The following KDM6B variants were observed in gnomAD, a reference collection of about 807,000 sequenced individuals.
KDM6B encodes the protein lysine-specific demethylase 6B.
In KDM6B, 22 loss-of-function variants were observed where a neutral mutation model predicts 150.4. That is an observed-to-expected ratio of 0.15 (90% CI 0.10 to 0.21). KDM6B has a LOEUF of 0.21. Among genes scored for constraint, KDM6B ranks in the 10% least tolerant of loss-of-function variants. KDM6B has a pLI of 1.00. For synonymous variants in KDM6B, 1,148 were observed against 921.1 expected, an observed-to-expected ratio of 1.25 and a Z score of -4.46; for missense variants, 1,984 against 2,234.3, an observed-to-expected ratio of 0.89 and a Z score of 2.26.
intron 7 of KDM6B, 29 bp from the exon 8 acceptor site, chr17:7,846,371 G>GGGGGGGGCCCCCCCCC: frequency 6.7e-7 from 1 of 1,488,898 alleles, no homozygotes; most frequent in Non-Finnish European, 9.2e-7. Context: ...CCTGACATCT[G>GGGGGGGGCCCCCCCCC]CCCCTGCCCC....
At position 7,844,090 on chromosome 17, in the gene KDM6B, C is replaced by T. The variant is rs1280614568; in HGVS notation, c.-268-811C>T. 1 of 150,010 alleles carries T rather than the reference C, an allele frequency of 6.7e-6. No individual in the cohort carries two copies. Among genetic ancestry groups the T allele is most frequent in the Non-Finnish European group, 1.5e-5 (1 of 67,282 alleles). 9.3% of individuals were successfully genotyped at this position (150,010 alleles called of 1,614,324 possible). Reference sequence around the variant, plus strand: ...CCCCGCAGTACATTTACACACACCGCTTCCGCTGCGCAAGTAGCCACGTCA... The same window carrying T: ...CCCCGCAGTACATTTACACACACCGTTTCCGCTGCGCAAGTAGCCACGTCA... On this transcript the variant is annotated intron_variant, in intron 2 of 23. Transcript: ENST00000448097. This position sits in a 1 kb window ranked among gnomAD's most constrained non-coding sequence, Gnocchi z 5.9.
intron 21 of KDM6B, 143 bp downstream of exon 21, chr17:7,852,779 A>AG (rs2078725601): frequency 1.0e-5 from 14 of 1,334,756 alleles, no homozygotes; most frequent in Non-Finnish European, 1.5e-5. Context: ...GAGGCTAACT[A>AG]GGTCCTTGCT....
chr17:7,839,513 G>C (rs1439812362), intron 1 of KDM6B, among the ~76,000 whole-genome samples: 1 of 152,160 alleles, frequency 6.6e-6, no homozygotes, highest in East Asian at 1.9e-4. Context: ...GATAAGGTTG[G>C]AGAGGACACA....
chr17:7,836,040 C>T (rs2078329019), intron 1 of KDM6B, among the ~76,000 whole-genome samples: 1 of 152,362 alleles, frequency 6.6e-6, no homozygotes, highest in African/African-American at 2.4e-5. Flanking sequence ...CGGCCGCTGC[C>T]TTCCCGGGCT....
In KDM6B at chr17:7,846,596, A is replaced by G. The variant is rs532793040; in HGVS notation, c.567A>G (p.Gly189=). 1.3e-4 allele frequency: 215 copies of G among 1,614,040 alleles called. No individual in the cohort carries two copies. The highest frequency in any genetic ancestry group is 3.5e-4 in the Admixed American group (21 of 60,012). ...LLHLEHKRNY[G]AKRGGPPVKR... is the part of the protein sequence containing the mutation. ...GTTCTCAGCACAAACGGAACTATGG[A>G]GCCAAGCGGGGAGGTCCCCCGGTGA... Residue 189 remains glycine (G), a synonymous_variant, in exon 9 of 24, where the codon GGA becomes GGG. Coordinates refer to ENST00000448097, the MANE Select transcript of KDM6B (RefSeq NM_001348716.2).
Position 7,845,013 on chromosome 17 carries a change from G to A in KDM6B, c.-156G>A, listed in dbSNP as rs925911055. On this transcript the variant is annotated 5_prime_UTR_variant, in exon 3 of 24. Transcript: ENST00000448097. ...GACGCGGTGTGAGGACGCTCCCACG[G>A]AGGCCGGGTAAGCGGCCGCTGCGTT... The A allele has an allele frequency of 4.9e-6, 1 of 202,254 alleles. No individual in the cohort carries two copies. Among genetic ancestry groups the A allele is most frequent in the African/African-American group, 2.3e-5 (1 of 42,980 alleles). 12.5% of individuals were successfully genotyped at this position (202,254 alleles called of 1,614,324 possible). A position where few individuals can be genotyped will look rare whatever the true frequency, so the allele number is the denominator to read the frequency against.
Position 7,845,294 on chromosome 17 carries a change from CTCCTTT to C in KDM6B, c.-148-14_-148-9del. 2 of 595,250 alleles carry C rather than the reference CTCCTTT, an allele frequency of 3.4e-6. No homozygotes were observed. The highest frequency in any genetic ancestry group is 5.7e-5 in the East Asian group (2 of 35,238). 36.9% of individuals were successfully genotyped at this position (595,250 alleles called of 1,614,324 possible). A position where few individuals can be genotyped will look rare whatever the true frequency, so the allele number is the denominator to read the frequency against. ...ACTGTGTGCTGGCCAGCTCGTCTCA[CTCCTTT>C]TCCTTCTCTCTAGAATTGGCTGTGA... On this transcript the variant is annotated splice_polypyrimidine_tract_variant and intron_variant, in intron 3 of 23. Coordinates refer to ENST00000448097, the MANE Select transcript of KDM6B (RefSeq NM_001348716.2).
intron 14 of KDM6B, among the ~76,000 whole-genome samples, chr17:7,850,725 CTA>C (rs1219833543): frequency 6.6e-6 from 1 of 152,220 alleles, no homozygotes; most frequent in Non-Finnish European, 1.5e-5. Context: ...TGAGCACCTA[CTA>C]TGTGTCTGTC....
At chr17:7,850,993 C>A in intron 14 of KDM6B, 28 bp from the exon 15 acceptor site, 1 of 1,567,140 alleles carries the variant, frequency 6.4e-7, no homozygotes, top group East Asian at 2.4e-5. Context: ...GCCTCTGCCC[C>A]GACACCCTGC....
chr17:7,851,353 G>A lies in KDM6B; in HGVS notation c.3903G>A (p.Glu1301=), dbSNP rs767369446. The change falls in exon 16 of 24, where the codon GAG becomes GAA. Residue 1301 remains glutamate, a synonymous_variant. Coordinates refer to ENST00000448097, the MANE Select transcript of KDM6B (RefSeq NM_001348716.2). ...SLQEEKESED[E]ESEEPDSTTG... ...AGGAGGAGAAGGAGAGTGAGGATGA[G>A]GAGTCAGAGGAGCCAGACAGCACCA... 2.5e-6 allele frequency: 4 copies of A among 1,614,016 alleles called. No individual in the cohort carries two copies. The African/African-American group carries it at 5.3e-5, about 22-fold the overall frequency.
At position 7,853,691 on chromosome 17, in the gene KDM6B, T is replaced by TA; in HGVS notation, c.*170_*171insA. 2.3e-6 allele frequency: 1 copy of TA among 431,860 alleles called. No individual in the cohort carries two copies. The highest frequency in any genetic ancestry group is 3.7e-6 in the Non-Finnish European group (1 of 268,172). The allele number at this position is 431,860 out of a possible 1,614,324, so 26.8% of individuals were successfully genotyped here. A position where few individuals can be genotyped will look rare whatever the true frequency, so the allele number is the denominator to read the frequency against. ...ATTTATTAAGAAAAACTTTTTTTTT[T>TA]TTTTTAGCAAATATGAGGAAAAAAG... On this transcript the variant is annotated 3_prime_UTR_variant, in exon 24 of 24. Coordinates refer to ENST00000448097, the MANE Select transcript of KDM6B (RefSeq NM_001348716.2).
intron 2 of KDM6B, chr17:7,840,764 T>C (rs994827490): frequency 2.0e-5 from 3 of 152,238 alleles, no homozygotes; most frequent in Non-Finnish European, 2.9e-5. Flanking sequence ...TTTTGCTTGA[T>C]GTTTTGCACA....
Position 7,848,737 on chromosome 17 carries a change from T to C in KDM6B, c.2449T>C (p.Cys817Arg), listed in dbSNP as rs575399117. The change falls in exon 12 of 24, where the codon TGT (cysteine) becomes CGT (arginine). Residue 817 changes from cysteine to arginine, a missense_variant. This residue lies in a region of KDM6B where 1,379 missense variants were observed against 1,275.6 expected (regional missense o/e 1.08). Coordinates refer to ENST00000448097, the MANE Select transcript of KDM6B (RefSeq NM_001348716.2). ...LASVLEGQKYCYRGTGAAVST... is the reference protein window; with the variant it reads ...LASVLEGQKYRYRGTGAAVST... ...CTCCGTGCTGGAGGGACAAAAGTAC[T>C]GTTATCGGGGGACTGGAGCAGCTGT... is the stretch of plus-strand genomic sequence containing the variant. The C allele has an allele frequency of 2.6e-4, 416 of 1,612,738 alleles. 1 individual carries two copies. In the South Asian group the frequency reaches 4.3e-3, roughly 17 times the overall value.
Position 7,850,052 on chromosome 17 carries a change from C to T in KDM6B, c.3568-20C>T. ...GCCTGGGCCAGGGCTCTGACCCCAG[C>T]TCTCCTGGTCATGTCTCAGCTGGAG... On this transcript the variant is annotated intron_variant, in intron 13 of 23. Transcript: ENST00000448097. 6.2e-7 allele frequency: 1 copy of T among 1,613,490 alleles called. No homozygotes were observed. The highest frequency in any genetic ancestry group is 2.2e-5 in the East Asian group (1 of 44,886).
Position 7,851,811 on chromosome 17 carries a change from T to G in KDM6B, c.4165+15T>G, listed in dbSNP as rs749950324. On this transcript the variant is annotated intron_variant, in intron 18 of 23. Coordinates refer to ENST00000448097, the MANE Select transcript of KDM6B (RefSeq NM_001348716.2). ...CCGAACGCCAGGTGCGCTCCACGCC[T>G]GTGCGCGCTGATGCTGGAAGCGCGA... is the stretch of plus-strand genomic sequence containing the variant. 1.3e-6 allele frequency: 2 copies of G among 1,556,348 alleles called. No homozygotes were observed. The highest frequency in any genetic ancestry group is 1.7e-6 in the Non-Finnish European group (2 of 1,150,236).
Position 7,845,585 on chromosome 17 carries a change from C to G in KDM6B, c.31C>G (p.Arg11Gly). MHRAVDPPGA[R>G]AAREAFALGG... is the part of the protein sequence containing the mutation. Reference sequence around the variant, plus strand: ...TCGGGCAGTGGACCCTCCAGGGGCCCGCGCTGCACGGGAAGCCTTTGCCCT... The same window carrying G: ...TCGGGCAGTGGACCCTCCAGGGGCCGGCGCTGCACGGGAAGCCTTTGCCCT... The change falls in exon 5 of 24, where the codon CGC (arginine) becomes GGC (glycine). Residue 11 changes from arginine (R) to glycine (G), a missense_variant. By Grantham distance (125) the Arg-to-Gly change is moderately radical. Transcript: ENST00000448097. 1.9e-6 allele frequency: 3 copies of G among 1,614,106 alleles called. No individual in the cohort carries two copies. Among genetic ancestry groups the G allele is most frequent in the Non-Finnish European group, 2.5e-6 (3 of 1,180,012 alleles).
At chr17:7,850,657 CAAAG>C (rs772474732) in intron 14 of KDM6B, among the ~76,000 whole-genome samples, 3 of 149,950 alleles carry the variant, frequency 2.0e-5, no homozygotes, top group African/African-American at 4.9e-5. Flanking sequence ...AATGGTAACT[CAAAG>C]AAGCTGCTGT....
Position 7,853,062 on chromosome 17 carries a change from G to A in KDM6B, c.4673G>A (p.Gly1558Glu). ...QVQRESLVRA[G>E]KKIAYQGRVK... is the part of the protein sequence containing the mutation. ...CAACGCGAGAGCCTGGTGCGGGCAG[G>A]GAAGAAAATCGCTTACCAGGGCCGT... The change falls in exon 22 of 24, where the codon GGG becomes GAG. Residue 1558 changes from glycine to glutamate, a missense_variant. By Grantham distance (98) the Gly-to-Glu change is moderately conservative. Around this residue, in one of 13 missense-constraint regions of KDM6B, gnomAD observed 18 missense variants for 23.6 expected, o/e 0.76. Coordinates refer to ENST00000448097, the MANE Select transcript of KDM6B (RefSeq NM_001348716.2). 1 of 1,614,094 alleles carries A rather than the reference G, an allele frequency of 6.2e-7. No homozygotes were observed. The highest frequency in any genetic ancestry group is 8.5e-7 in the Non-Finnish European group (1 of 1,180,018).
At position 7,844,725 on chromosome 17, in the gene KDM6B, C is replaced by G. The variant is rs769998257; in HGVS notation, c.-268-176C>G. Among the ~76,000 whole-genome samples, 2 of 152,188 alleles carry G rather than the reference C, an allele frequency of 1.3e-5. No homozygotes were observed. Among genetic ancestry groups the G allele is most frequent in the Non-Finnish European group, 2.9e-5 (2 of 68,030 alleles). Reference sequence around the variant, plus strand: ...CGGCCTCATCCGCATGCGTCTTGTCCTGGCTGCCTTCTGGCCCTGACGGCC... The same window carrying G: ...CGGCCTCATCCGCATGCGTCTTGTCGTGGCTGCCTTCTGGCCCTGACGGCC... On this transcript the variant is annotated intron_variant, in intron 2 of 23. Coordinates refer to ENST00000448097, the MANE Select transcript of KDM6B (RefSeq NM_001348716.2). This position sits in a 1 kb window ranked among gnomAD's most constrained non-coding sequence, Gnocchi z 5.9.
Sources: allele counts gnomAD v4.1 joint callset (sites outside exome capture counted in the v4.1 genomes callset), GRCh38; gene constraint gnomAD v4.1.1; regional missense constraint gnomAD v4.1.1; non-coding constraint Gnocchi (gnomAD v3.1); transcripts MANE v1.5; gene names NCBI Gene and HGNC (gene_info 2026-07-23, HGNC 2026-07-21).